CDS1: variants seen among roughly 807,000 people sequenced by gnomAD.
CDS1 encodes the protein CDP-diacylglycerol synthase 1.
Under a neutral mutation model 62.1 loss-of-function variants are expected in CDS1, and 41 were observed. The observed-to-expected ratio is 0.66, with a 90% CI of 0.51 to 0.86. CDS1 has a LOEUF of 0.86. Among genes scored for constraint, CDS1 ranks in the 40% least tolerant of loss-of-function variants. The pLI is 0.00. For synonymous variants in CDS1, 185 were observed against 192.6 expected, an observed-to-expected ratio of 0.96 and a Z score of 0.32; for missense variants, 470 against 550.1, an observed-to-expected ratio of 0.85 and a Z score of 1.46.
intron 1 of CDS1, among the ~76,000 whole-genome samples, chr4:84,599,403 C>CAT (rs1478443460): frequency 0.033 from 547 of 16,370 alleles, 2 homozygotes; most frequent in South Asian, 0.045. Flanking sequence ...GACACACACA[C>CAT]ACATATATAT....
rs117888289 is a variant in CDS1 at position 84,636,670 on chromosome 4, G to A, written c.810+1319G>A. Among the ~76,000 whole-genome samples, 1,824 of 152,158 alleles carry A rather than the reference G, an allele frequency of 0.012. 64 individuals are homozygous for A. In the East Asian group the frequency reaches 0.16, roughly 13 times the overall value. On this transcript the variant is annotated intron_variant, in intron 8 of 12. Transcript: ENST00000295887. ...CTCCCAAGTATCTGGGATTACAGGC[G>A]GCTGCCACCATGCCTGGTTAATTTT... is the stretch of plus-strand genomic sequence containing the variant.
intron 3 of CDS1, among the ~76,000 whole-genome samples, chr4:84,617,314 C>T (rs1723527942): frequency 6.6e-6 from 1 of 152,160 alleles, no homozygotes; most frequent in Admixed American, 6.5e-5. Flanking sequence ...AAACTTTAAA[C>T]TCCATTGCCA....
intron 1 of CDS1, among the ~76,000 whole-genome samples, chr4:84,586,678 G>T (rs1722433794): frequency 6.6e-6 from 1 of 152,346 alleles, no homozygotes; most frequent in East Asian, 1.9e-4. Flanking sequence ...TGGCCTGGGG[G>T]TTGGGGACCC....
chr4:84,611,438 T>G (rs1041939012), intron 3 of CDS1, among the ~76,000 whole-genome samples: 1 of 152,122 alleles, frequency 6.6e-6, no homozygotes, highest in Non-Finnish European at 1.5e-5. Context: ...TTTGCCAATC[T>G]CCCTCCATAT....
intron 1 of CDS1, among the ~76,000 whole-genome samples, chr4:84,603,579 C>T (rs548292747): frequency 1.3e-4 from 20 of 152,286 alleles, no homozygotes; most frequent in African/African-American, 4.6e-4. Flanking sequence ...CTGCAGTGAC[C>T]ACCTTTGTTG....
intron 12 of CDS1, among the ~76,000 whole-genome samples, chr4:84,645,852 T>A (rs1724542388): frequency 1.3e-5 from 2 of 152,210 alleles, no homozygotes; most frequent in Non-Finnish European, 2.9e-5. Flanking sequence ...TGGTTGTAAG[T>A]GTCACACAGA....
intron 1 of CDS1, among the ~76,000 whole-genome samples, chr4:84,597,998 C>T (rs958181769): frequency 2.0e-5 from 3 of 151,794 alleles, no homozygotes; most frequent in Admixed American, 6.6e-5. Flanking sequence ...TGGTGGCGGG[C>T]GCCTGTAGTC....
Position 84,650,550 on chromosome 4 carries a change from G to T in CDS1, c.*1864G>T, listed in dbSNP as rs1465777093. The T allele has an allele frequency of 2.0e-5, 3 of 152,142 alleles. No homozygotes were observed. Among genetic ancestry groups the T allele is most frequent in the Non-Finnish European group, 2.9e-5 (2 of 68,032 alleles). 9.4% of individuals were successfully genotyped at this position (152,142 alleles called of 1,614,324 possible). A position where few individuals can be genotyped will look rare whatever the true frequency, so the allele number is the denominator to read the frequency against. ...ACATTAAAAACTCAGTAGTTTGCAT[G>T]AGTAAGAACTCCTTGAGATACACAG... On this transcript the variant is annotated 3_prime_UTR_variant, in exon 13 of 13. Coordinates refer to ENST00000295887, the MANE Select transcript of CDS1 (RefSeq NM_001263.4).
intron 1 of CDS1, among the ~76,000 whole-genome samples, chr4:84,590,649 T>G (rs1055727590): frequency 1.3e-5 from 2 of 152,204 alleles, no homozygotes; most frequent in South Asian, 4.1e-4. Flanking sequence ...TTAAAGACTT[T>G]ACTTGAGCCA....
In CDS1 at chr4:84,617,700, A is replaced by G. The variant is rs746516413; in HGVS notation, c.440+39A>G. On this transcript the variant is annotated intron_variant, in intron 4 of 12. Coordinates refer to ENST00000295887, the MANE Select transcript of CDS1 (RefSeq NM_001263.4). Reference sequence around the variant, plus strand: ...AAACTATTTCAGATATGAAAAGTTAATTTCTGAAGTTTGTAAAGGAAGCGT... The same window carrying G: ...AAACTATTTCAGATATGAAAAGTTAGTTTCTGAAGTTTGTAAAGGAAGCGT... The G allele has an allele frequency of 6.8e-6, 7 of 1,032,024 alleles. No homozygotes were observed. The African/African-American group carries it at 1.1e-4, about 17-fold the overall frequency. 63.9% of individuals were successfully genotyped at this position (1,032,024 alleles called of 1,614,324 possible).
Position 84,609,197 on chromosome 4 carries a change from AAAAAG to A in CDS1, c.246-222_246-218del, listed in dbSNP as rs1553903367. Among the ~76,000 whole-genome samples the A allele has an allele frequency of 3.4e-5, 5 of 146,008 alleles. No homozygotes were observed. The East Asian group carries it at 6.2e-4, about 18-fold the overall frequency. On this transcript the variant is annotated intron_variant, in intron 2 of 12. Transcript: ENST00000295887. ...CTCCGTCTCAAAAAAAAAAAAAAAAAAAAAGAAAAGAAAAATTATTTTCTTTCTTG... is the reference window on the plus strand; with the variant it reads ...CTCCGTCTCAAAAAAAAAAAAAAAAAAAAAGAAAAATTATTTTCTTTCTTG...
Position 84,613,855 on chromosome 4 carries a change from T to C in CDS1, c.343-3709T>C, listed in dbSNP as rs549435278. Among the ~76,000 whole-genome samples the C allele has an allele frequency of 2.6e-5, 4 of 152,338 alleles. No homozygotes were observed. In the East Asian group the frequency reaches 7.7e-4, roughly 29 times the overall value. Reference sequence around the variant, plus strand: ...TCTTGGAAACTGTTGTCATTAACTTTTAATTCGTGCTATGTAGTTTACTTT... The same window carrying C: ...TCTTGGAAACTGTTGTCATTAACTTCTAATTCGTGCTATGTAGTTTACTTT... On this transcript the variant is annotated intron_variant, in intron 3 of 12. Coordinates refer to ENST00000295887, the MANE Select transcript of CDS1 (RefSeq NM_001263.4).
Position 84,648,647 on chromosome 4 carries a change from C to T in CDS1, c.1347C>T (p.Leu449=), listed in dbSNP as rs144118614. The T allele has an allele frequency of 1.2e-6, 2 of 1,613,676 alleles. No individual in the cohort carries two copies. The highest frequency in any genetic ancestry group is 2.7e-5 in the African/African-American group (2 of 75,022). ...TATATAAAACCCTGAAGACTCATCTCATTGAGAAAGGAATCCTACAACCCA... is the reference window on the plus strand; with the variant it reads ...TATATAAAACCCTGAAGACTCATCTTATTGAGAAAGGAATCCTACAACCCA... ...LNIYKTLKTH[L]IEKGILQPTL... The change falls in exon 13 of 13, where the codon CTC becomes CTT. Residue 449 remains leucine (L), a synonymous_variant. Coordinates refer to ENST00000295887, the MANE Select transcript of CDS1 (RefSeq NM_001263.4).
intron 2 of CDS1, 152 bp from the exon 3 acceptor site, chr4:84,609,277 C>T: frequency 2.0e-6 from 1 of 496,148 alleles, no homozygotes; most frequent in Non-Finnish European, 3.6e-6. Flanking sequence ...TGAATGAATG[C>T]TGTTTGTTTT....
At chr4:84,630,640 C>T (rs1286815524) in intron 5 of CDS1, among the ~76,000 whole-genome samples, 1 of 152,048 alleles carries the variant, frequency 6.6e-6, no homozygotes, top group Non-Finnish European at 1.5e-5. Context: ...AGAACTCACT[C>T]TTTAAAGATA....
chr4:84,623,065 A>G (rs1723739550), intron 5 of CDS1, among the ~76,000 whole-genome samples: 1 of 152,148 alleles, frequency 6.6e-6, no homozygotes, highest in South Asian at 2.1e-4. Flanking sequence ...TCAGATGTTT[A>G]CACAAGTCAG....
intron 3 of CDS1, among the ~76,000 whole-genome samples, chr4:84,614,591 A>G (rs1056819884): frequency 2.0e-5 from 3 of 152,198 alleles, no homozygotes; most frequent in African/African-American, 4.8e-5. Flanking sequence ...TAGGTACTCA[A>G]TATAGTTCAT....
intron 1 of CDS1, among the ~76,000 whole-genome samples, chr4:84,601,545 A>G (rs1722937280): frequency 6.6e-6 from 1 of 152,172 alleles, no homozygotes; most frequent in Non-Finnish European, 1.5e-5. Flanking sequence ...CAAGATAGAA[A>G]GTTGAGGATC....
At chr4:84,608,323 A>G (rs554165325) in intron 2 of CDS1, among the ~76,000 whole-genome samples, 60 of 152,198 alleles carry the variant, frequency 3.9e-4, no homozygotes, top group South Asian at 1.0e-3. Context: ...ACAGGCGCCC[A>G]CCACTATGCC....
Sources: gnomAD v4.1 joint callset for allele counts (sites outside exome capture counted in the v4.1 genomes callset) on GRCh38, gnomAD v4.1.1 for gene constraint, MANE v1.5 for transcripts, NCBI Gene and HGNC (gene_info 2026-07-23, HGNC 2026-07-21) for gene names.